The following EFHC1 variants were observed in gnomAD, a reference collection of about 807,000 sequenced individuals.
EFHC1 encodes EF-hand domain containing 1.
In EFHC1, 53 loss-of-function variants were observed where a neutral mutation model predicts 69.9. The observed-to-expected ratio is 0.76, with a 90% confidence interval of 0.61 to 0.95. EFHC1 has a LOEUF of 0.95. Ranked by LOEUF, EFHC1 falls within the 40% of genes least tolerant of loss-of-function variation. EFHC1 has a pLI of 0.00. For missense variants in EFHC1, 739 were observed against 798.7 expected, an observed-to-expected ratio of 0.93 and a Z score of 0.90; for synonymous variants, 256 against 278.4, an observed-to-expected ratio of 0.92 and a Z score of 0.80.
chr6:52,462,187 T>C (rs181021743), intron 5 of EFHC1, among the ~76,000 whole-genome samples: 1 of 151,738 alleles, frequency 6.6e-6, no homozygotes, highest in African/African-American at 2.4e-5. Flanking sequence ...TATTTGGAAA[T>C]TGAAAAACAT....
chr6:52,443,378 A>G (rs1764707751), intron 3 of EFHC1, among the ~76,000 whole-genome samples: 1 of 152,182 alleles, frequency 6.6e-6, no homozygotes, highest in Non-Finnish European at 1.5e-5. Context: ...TATGTCCTGA[A>G]TGGTATTACC....
At chr6:52,462,667 C>T (rs1765196597) in intron 5 of EFHC1, among the ~76,000 whole-genome samples, 1 of 152,118 alleles carries the variant, frequency 6.6e-6, no homozygotes, top group Non-Finnish European at 1.5e-5. Flanking sequence ...AGGCGGATCA[C>T]TTGAGGTCAG....
intron 3 of EFHC1, among the ~76,000 whole-genome samples, chr6:52,447,012 A>G (rs1764802603): frequency 6.6e-6 from 1 of 151,996 alleles, no homozygotes; most frequent in Non-Finnish European, 1.5e-5. Flanking sequence ...CTTCATTTCA[A>G]CTTTGGTGAA....
intron 6 of EFHC1, 46 bp downstream of exon 6, chr6:52,465,161 G>C: frequency 1.3e-6 from 2 of 1,552,466 alleles, no homozygotes; most frequent in Non-Finnish European, 1.8e-6. Context: ...CTAATTTTTT[G>C]AGGTAGAAAT....
At chr6:52,420,920 A>C (rs1168172863) in intron 1 of EFHC1, 4 of 768,524 alleles carry the variant, frequency 5.2e-6, no homozygotes, top group Non-Finnish European at 5.1e-6. Context: ...ACCCCCCGCC[A>C]CTATGCACCT....
intron 3 of EFHC1, among the ~76,000 whole-genome samples, chr6:52,446,632 G>A (rs986896206): frequency 6.6e-6 from 1 of 152,202 alleles, no homozygotes; most frequent in Non-Finnish European, 1.5e-5. Flanking sequence ...TTGCTCATTA[G>A]TTGATGCAGT....
At chr6:52,431,295 TTGTC>T (rs1379714536) in intron 2 of EFHC1, among the ~76,000 whole-genome samples, 1 of 152,148 alleles carries the variant, frequency 6.6e-6, no homozygotes, top group Non-Finnish European at 1.5e-5. Flanking sequence ...TGGCCTTAGA[TTGTC>T]TGTTAGTGCT....
Position 52,479,124 on chromosome 6 carries a change from G to A in EFHC1, c.1366G>A (p.Val456Ile). ...TDMISIFEPP[V>I]RNSGIIGGKY... ...CATGATCAGTATCTTTGAGCCTCCT[G>A]TTCGCAATTCTGGTATCATTGGGGG... Residue 456 changes from valine (V) to isoleucine (I), a missense_variant, in exon 8 of 11, where the codon GTT becomes ATT. By Grantham distance (29) the Val-to-Ile change is conservative. Transcript: ENST00000371068. The A allele has an allele frequency of 6.2e-7, 1 of 1,614,102 alleles. No individual in the cohort carries two copies. The highest frequency in any genetic ancestry group is 1.1e-5 in the South Asian group (1 of 91,078).
rs886061634 is a variant in EFHC1 at position 52,493,404 on chromosome 6, TACAC to T, written c.*1070_*1073del. 1.6e-4 allele frequency: 41 copies of T among 264,330 alleles called. No individual in the cohort carries two copies. The highest frequency in any genetic ancestry group is 1.1e-3 in the African/African-American group (33 of 31,332). The allele number at this position is 264,330 out of a possible 1,614,324, so 16.4% of individuals were successfully genotyped here. ...TATATATTTTATATGTACACATTCATACACACACACGCTTATATGTATACATATA... is the reference window on the plus strand; with the variant it reads ...TATATATTTTATATGTACACATTCATACACACGCTTATATGTATACATATA... On this transcript the variant is annotated 3_prime_UTR_variant, in exon 11 of 11. Coordinates refer to ENST00000371068, the MANE Select transcript of EFHC1 (RefSeq NM_018100.4).
rs1220694471 is a variant in EFHC1 at position 52,493,965 on chromosome 6, C to T, written c.*1624C>T. On this transcript the variant is annotated 3_prime_UTR_variant, in exon 11 of 11. Coordinates refer to ENST00000371068, the MANE Select transcript of EFHC1 (RefSeq NM_018100.4). ...AACGAGCTCAGCCACTTGTAACCAGCTTATTGAAAGGGCTGTGAATGTATT... is the reference window on the plus strand; with the variant it reads ...AACGAGCTCAGCCACTTGTAACCAGTTTATTGAAAGGGCTGTGAATGTATT... 1 of 453,970 alleles carries T rather than the reference C, an allele frequency of 2.2e-6. No homozygotes were observed. Among genetic ancestry groups the T allele is most frequent in the African/African-American group, 2.0e-5 (1 of 50,006 alleles). 28.1% of individuals were successfully genotyped at this position (453,970 alleles called of 1,614,324 possible).
intron 7 of EFHC1, among the ~76,000 whole-genome samples, chr6:52,473,240 T>C (rs1339478609): frequency 6.6e-6 from 1 of 151,986 alleles, no homozygotes; most frequent in African/African-American, 2.4e-5. Flanking sequence ...ATATGACAAA[T>C]ACAGCACTGC....
chr6:52,450,782 T>C (rs755924753), intron 3 of EFHC1, among the ~76,000 whole-genome samples: 5 of 151,984 alleles, frequency 3.3e-5, no homozygotes, highest in Non-Finnish European at 5.9e-5. Context: ...ATTGTGGTTT[T>C]TTTGTTTGTT....
chr6:52,479,370 C>T, intron 8 of EFHC1, 120 bp downstream of exon 8: 2 of 1,152,244 alleles, frequency 1.7e-6, no homozygotes, highest in East Asian at 4.9e-5. Flanking sequence ...GATAAAGCTA[C>T]TATCCTTGTA....
chr6:52,480,233 ATTCAT>A (rs1765646043), intron 9 of EFHC1: 1 of 269,748 alleles, frequency 3.7e-6, no homozygotes, highest in Admixed American at 5.1e-5. Context: ...ATTATTTACT[ATTCAT>A]TAAGTGGTAG....
chr6:52,488,467 T>C (rs1258827711), intron 9 of EFHC1: 2 of 152,210 alleles, frequency 1.3e-5, no homozygotes, highest in African/African-American at 4.8e-5. Context: ...ATCTTATAAC[T>C]CAGAGATAAC....
intron 3 of EFHC1, among the ~76,000 whole-genome samples, chr6:52,448,237 G>T (rs1764833355): frequency 6.6e-6 from 1 of 152,228 alleles, no homozygotes; most frequent in South Asian, 2.1e-4. Context: ...GAGCTTCCCA[G>T]CTGCTTTGTT....
At chr6:52,457,122 A>G (rs557897500) in intron 5 of EFHC1, among the ~76,000 whole-genome samples, 12 of 152,354 alleles carry the variant, frequency 7.9e-5, no homozygotes, top group African/African-American at 2.9e-4. Context: ...GCTAAATGCT[A>G]TGGAGGACAA....
chr6:52,454,521 A>G (rs1764997072), intron 5 of EFHC1, among the ~76,000 whole-genome samples: 1 of 152,146 alleles, frequency 6.6e-6, no homozygotes, highest in Non-Finnish European at 1.5e-5. Context: ...CAACAGTGGG[A>G]GATTTATTTA....
intron 2 of EFHC1, among the ~76,000 whole-genome samples, chr6:52,435,360 T>A (rs1310325890): frequency 6.6e-6 from 1 of 152,214 alleles, no homozygotes; most frequent in East Asian, 1.9e-4. Context: ...GAATGTTCTG[T>A]AATATTTACT....
Sources: gnomAD v4.1 joint callset for allele counts (sites outside exome capture counted in the v4.1 genomes callset) on GRCh38, gnomAD v4.1.1 for gene constraint, MANE v1.5 for transcripts, NCBI Gene and HGNC (gene_info 2026-07-23, HGNC 2026-07-21) for gene names.